Variants in PSG11 observed in about 807,000 individuals in gnomAD.
PSG11 encodes the protein pregnancy specific beta-1-glycoprotein 11, also known as pregnancy-specific beta-1-glycoprotein 11.
In PSG11, 42 loss-of-function variants were observed where a neutral mutation model predicts 36.0. The observed-to-expected ratio is 1.17, with a 90% CI of 0.91 to 1.51. The LOEUF is 1.51. Ranked by LOEUF, PSG11 falls within the 40% of genes most tolerant of loss-of-function variation. PSG11 has a pLI of 0.00. For synonymous variants in PSG11, 206 were observed against 153.5 expected, an observed-to-expected ratio of 1.34 and a Z score of -2.53; for missense variants, 558 against 403.5, an observed-to-expected ratio of 1.38 and a Z score of -3.28.
In PSG11 at chr19:43,008,337, A is replaced by G. The variant is rs146927486; in HGVS notation, c.*41-295T>C. On this transcript the variant is annotated intron_variant, in intron 5 of 5. Coordinates refer to ENST00000320078, the MANE Select transcript of PSG11 (RefSeq NM_002785.3). ...ATCCAGACTGGAGTGCAGTGGTGCA[A>G]TCTCAGTTCACTGCAAGCTCTGCCT... Among the ~76,000 whole-genome samples the G allele has an allele frequency of 6.1e-3, 921 of 151,210 alleles. 27 individuals are homozygous for G. Among genetic ancestry groups the G allele is most frequent in the African/African-American group, 0.021 (872 of 40,982 alleles).
At chr19:43,011,517 A>G (rs1424659018) in intron 4 of PSG11, among the ~76,000 whole-genome samples, 2 of 151,390 alleles carry the variant, frequency 1.3e-5, no homozygotes, top group South Asian at 2.1e-4. Context: ...TCTTCAAAAT[A>G]AAATCAACAA....
intron 5 of PSG11, among the ~76,000 whole-genome samples, chr19:43,009,163 T>A (rs1203612646): frequency 6.6e-6 from 1 of 151,366 alleles, no homozygotes; most frequent in African/African-American, 2.4e-5. Flanking sequence ...GTATGTTTTT[T>A]GAACACATGA....
chr19:43,013,565 C>T (rs1301312555), intron 4 of PSG11, among the ~76,000 whole-genome samples: 1 of 151,230 alleles, frequency 6.6e-6, no homozygotes, highest in Non-Finnish European at 1.5e-5. Flanking sequence ...TGTTACACCA[C>T]CTCACAAAAT....
In PSG11 at chr19:43,018,661, A is replaced by T; in HGVS notation, c.709+109T>A. On this transcript the variant is annotated intron_variant, in intron 3 of 5. Coordinates refer to ENST00000320078, the MANE Select transcript of PSG11 (RefSeq NM_002785.3). ...AAAGTCATGGCCAGCTTTGATGTCC[A>T]GTGGTAAAGGTCTCTGTACTTGGAC... The T allele has an allele frequency of 2.5e-6, 4 of 1,601,798 alleles. 1 individual carries two copies. The South Asian group carries it at 4.4e-5, about 18-fold the overall frequency.
intron 4 of PSG11, among the ~76,000 whole-genome samples, chr19:43,011,355 G>T: frequency 6.6e-6 from 1 of 150,940 alleles, no homozygotes. Flanking sequence ...AAAGATCTCA[G>T]GTCAACAACC....
chr19:43,009,172 G>T (rs1206607128), intron 5 of PSG11, among the ~76,000 whole-genome samples: 3 of 151,262 alleles, frequency 2.0e-5, no homozygotes, highest in African/African-American at 7.3e-5. Flanking sequence ...TTGAACACAT[G>T]AACTGATCAT....
chr19:43,015,814 T>G, intron 3 of PSG11: 9 of 1,610,178 alleles, frequency 5.6e-6, no homozygotes, highest in Non-Finnish European at 7.6e-6. Flanking sequence ...ACCATATCGG[T>G]CCCGTATTTC....
chr19:43,020,613 G>T (rs1198874077), intron 2 of PSG11, among the ~76,000 whole-genome samples: 1 of 151,466 alleles, frequency 6.6e-6, no homozygotes, highest in East Asian at 1.9e-4. Flanking sequence ...CCAACATAAG[G>T]TTTAGGTGTG....
intron 4 of PSG11, chr19:43,010,646 T>C: frequency 3.7e-6 from 1 of 270,392 alleles, no homozygotes; most frequent in Non-Finnish European, 7.2e-6. Flanking sequence ...TCTTTCTTTT[T>C]CACAGGAATC....
intron 3 of PSG11, chr19:43,016,092 T>A: frequency 6.4e-7 from 1 of 1,569,290 alleles, no homozygotes; most frequent in Non-Finnish European, 8.6e-7. Context: ...CACCTTTGAT[T>A]CCTCCACAGG....
intron 3 of PSG11, chr19:43,017,525 T>C (rs1308390981): frequency 6.6e-6 from 1 of 151,570 alleles, no homozygotes; most frequent in Non-Finnish European, 1.5e-5. Context: ...CTATTTTCTA[T>C]GTCATCAAAA....
Position 43,024,911 on chromosome 19 carries a change from C to T in PSG11, c.210G>A (p.Gly70=), listed in dbSNP as rs199833971. 3.0e-4 allele frequency: 489 copies of T among 1,611,794 alleles called. 9 individuals are homozygous for T. Among genetic ancestry groups the T allele is most frequent in the Middle Eastern group, 5.0e-4 (3 of 6,058 alleles). ...TGTAATGGTAGAGGTCCCTGATTTG[C>T]CCTTTGTACCAGATGTAGCCAGTAA... ...QNLTGYIWYK[G]QIRDLYHYIT... The change falls in exon 2 of 6, where the codon GGG becomes GGA. Residue 70 remains glycine (G), a synonymous_variant. Transcript: ENST00000320078.
rs1184884052 is a variant in PSG11 at position 43,026,437 on chromosome 19, A to G, written c.-65T>C. ...CCTAGGATCCAGAAGCTTCCAGAGC[A>G]CGGCTGTCAGCTGTGCTGTCCTTCC... On this transcript the variant is annotated 5_prime_UTR_variant, in exon 1 of 6. Coordinates refer to ENST00000320078, the MANE Select transcript of PSG11 (RefSeq NM_002785.3). 29 of 1,588,056 alleles carry G rather than the reference A, an allele frequency of 1.8e-5. 1 individual carries two copies. Among genetic ancestry groups the G allele is most frequent in the Non-Finnish European group, 2.3e-5 (27 of 1,162,928 alleles).
chr19:43,025,691 T>C (rs2736152), intron 1 of PSG11, among the ~76,000 whole-genome samples: 67,806 of 146,334 alleles, frequency 0.46, 17,206 homozygotes, highest in East Asian at 0.99. Flanking sequence ...AGGTTTTTTA[T>C]TGAGGACAGT....
intron 3 of PSG11, chr19:43,017,276 T>A (rs922979170): frequency 7.3e-5 from 11 of 151,624 alleles, no homozygotes; most frequent in Non-Finnish European, 1.2e-4. Context: ...ATTTGTCATA[T>A]ACTTACTGGT....
chr19:43,020,474 T>G (rs115957146), intron 2 of PSG11, among the ~76,000 whole-genome samples: 2,306 of 151,338 alleles, frequency 0.015, 114 homozygotes, highest in East Asian at 0.096. Flanking sequence ...TTAGACCTCA[T>G]GTTGTGTTCT....
In PSG11 at chr19:43,024,842, C is replaced by T. The variant is rs151023050; in HGVS notation, c.279G>A (p.Pro93=). The change falls in exon 2 of 6, where the codon CCG becomes CCA. Residue 93 remains proline, a synonymous_variant. Transcript: ENST00000320078. Reference sequence around the variant, plus strand: ...ATACTGTTTCTCGTCCACTGTATGCCGGTCCATATATAATTATTTGACCGT... The same window carrying T: ...ATACTGTTTCTCGTCCACTGTATGCTGGTCCATATATAATTATTTGACCGT... ...VVDGQIIIYG[P]AYSGRETVYS... The T allele has an allele frequency of 6.5e-5, 105 of 1,611,830 alleles. 1 individual carries two copies. Among genetic ancestry groups the T allele is most frequent in the South Asian group, 2.4e-4 (22 of 90,802 alleles).
At chr19:43,013,940 A>G (rs1429750178) in intron 4 of PSG11, 3 of 151,654 alleles carry the variant, frequency 2.0e-5, no homozygotes, top group East Asian at 3.9e-4. Flanking sequence ...TTCAAACTTA[A>G]CAAGGAATAA....
At chr19:43,008,858 A>C (rs1179321688) in intron 5 of PSG11, among the ~76,000 whole-genome samples, 1 of 151,166 alleles carries the variant, frequency 6.6e-6, no homozygotes, top group Non-Finnish European at 1.5e-5. Context: ...TACCTATTGC[A>C]ACAAGAGTTC....
Sources: allele counts gnomAD v4.1 joint callset (sites outside exome capture counted in the v4.1 genomes callset), GRCh38; gene constraint gnomAD v4.1.1; transcripts MANE v1.5; gene names NCBI Gene and HGNC (gene_info 2026-07-23, HGNC 2026-07-21).